The following THOC7 variants were observed in gnomAD, a reference collection of about 807,000 sequenced individuals.
THOC7 encodes NIF3L1-binding protein 1.
THOC7 carries 22 observed loss-of-function variants against 33.1 expected under a neutral mutation model. The observed-to-expected ratio is 0.66, with a 90% CI of 0.47 to 0.95. The LOEUF (loss-of-function observed/expected upper bound fraction) is 0.95, where lower values mean the gene tolerates loss of function less well. Among genes scored for constraint, THOC7 ranks in the 40% least tolerant of loss-of-function variants. The pLI, the probability that THOC7 is intolerant of heterozygous loss-of-function variation, is 0.00. For missense variants in THOC7, 184 were observed against 245.3 expected, an observed-to-expected ratio of 0.75 and a Z score of 1.67; for synonymous variants, 77 against 76.8, an observed-to-expected ratio of 1.00 and a Z score of -0.01.
intron 1 of THOC7, chr3:63,863,496 CG>C: frequency 1.7e-6 from 2 of 1,179,702 alleles, no homozygotes; most frequent in South Asian, 4.3e-5. Context: ...ACCACGCTCC[CG>C]GCACACCCTA....
At chr3:63,861,792 T>C (rs907841592) in intron 1 of THOC7, 6 of 84,848 alleles carry the variant, frequency 7.1e-5, no homozygotes, top group African/African-American at 2.3e-4. Context: ...TGTGTGTGTG[T>C]GTTTTTTTTT....
intron 1 of THOC7, 134 bp from the exon 2 acceptor site, chr3:63,839,907 A>G (rs1701723018): frequency 1.5e-6 from 1 of 667,058 alleles, no homozygotes; most frequent in Non-Finnish European, 2.5e-6. Flanking sequence ...ACTGAACTGT[A>G]CACTTAAAAA....
At chr3:63,864,157 A>G (rs1411764917), upstream of THOC7, among the ~76,000 whole-genome samples, 3 of 146,956 alleles carry the variant, frequency 2.0e-5, no homozygotes, top group Non-Finnish European at 4.5e-5. Flanking sequence ...GCCAGCCGCC[A>G]GGTGAGCTCG....
At chr3:63,847,762 CT>C (rs1701930589) in intron 1 of THOC7, among the ~76,000 whole-genome samples, 1 of 152,030 alleles carries the variant, frequency 6.6e-6, no homozygotes, top group Non-Finnish European at 1.5e-5. Context: ...AAAACAAACT[CT>C]GACATAACTT....
chr3:63,845,529 C>T (rs1243686456), intron 1 of THOC7, among the ~76,000 whole-genome samples: 2 of 152,146 alleles, frequency 1.3e-5, no homozygotes, highest in South Asian at 2.1e-4. Flanking sequence ...AGGTAACCAA[C>T]GGCAGTCACA....
chr3:63,843,667 AAG>A (rs1419190759), intron 1 of THOC7, among the ~76,000 whole-genome samples: 6 of 152,054 alleles, frequency 3.9e-5, no homozygotes, highest in Non-Finnish European at 8.8e-5. Flanking sequence ...TTGGGAGGCC[AAG>A]GTGGGCGCAT....
At position 63,838,450 on chromosome 3, in the gene THOC7, A is replaced by C. The variant is rs1476798478; in HGVS notation, c.187T>G (p.Ser63Ala). ...MLSTLSQCEF[S>A]MGKTLLVYDM... ...TATACTAGTAAAGTTTTGCCCATTG[A>C]AAATTCACATTGAGACAGCGTGCTC... Residue 63 changes from serine to alanine, a missense_variant, in exon 3 of 8, where the codon TCA (serine) becomes GCA (alanine). Ser to Ala is a moderately conservative substitution (Grantham distance 99). This residue lies in a region of THOC7 where 157 missense variants were observed against 201.3 expected (regional missense o/e 0.78). Transcript: ENST00000295899. 1.9e-6 allele frequency: 3 copies of C among 1,610,504 alleles called. No homozygotes were observed. The highest frequency in any genetic ancestry group is 2.5e-6 in the Non-Finnish European group (3 of 1,178,978).
intron 1 of THOC7, among the ~76,000 whole-genome samples, chr3:63,856,530 T>C (rs995898618): frequency 6.6e-6 from 1 of 152,076 alleles, no homozygotes; most frequent in Non-Finnish European, 1.5e-5. Flanking sequence ...GCACCTACTA[T>C]ATCACTTAAA....
intron 2 of THOC7, among the ~76,000 whole-genome samples, 199 bp downstream of exon 2, chr3:63,839,457 C>T (rs1047680545): frequency 5.3e-5 from 8 of 152,132 alleles, no homozygotes; most frequent in Admixed American, 6.6e-5. Context: ...TACCAATCTG[C>T]CTTCTCCATG....
chr3:63,844,776 C>T (rs1036011565), intron 1 of THOC7, among the ~76,000 whole-genome samples: 12 of 152,044 alleles, frequency 7.9e-5, no homozygotes, highest in Non-Finnish European at 1.6e-4. Context: ...CAGATTTGGC[C>T]CTTTGATCTT....
At chr3:63,847,916 T>C (rs973899102) in intron 1 of THOC7, among the ~76,000 whole-genome samples, 1 of 152,068 alleles carries the variant, frequency 6.6e-6, no homozygotes, top group Admixed American at 6.5e-5. Context: ...GAAAAACTAG[T>C]TTAGGCCATG....
chr3:63,835,517 C>A, intron 5 of THOC7, 127 bp from the exon 6 acceptor site: 1 of 694,238 alleles, frequency 1.4e-6, no homozygotes, highest in Non-Finnish European at 2.3e-6. Flanking sequence ...AGTTATAACA[C>A]TCCATTATGG....
intron 1 of THOC7, among the ~76,000 whole-genome samples, chr3:63,862,122 C>G (rs1033401386): frequency 2.6e-5 from 4 of 152,202 alleles, no homozygotes; most frequent in Non-Finnish European, 5.9e-5. Flanking sequence ...ATCTGATTAA[C>G]ACCACACCAG....
chr3:63,855,183 TA>T (rs1171923430), intron 1 of THOC7, among the ~76,000 whole-genome samples: 1 of 152,012 alleles, frequency 6.6e-6, no homozygotes, highest in Non-Finnish European at 1.5e-5. Flanking sequence ...ACTGAAAACA[TA>T]AAAAAACAGG....
At chr3:63,834,969 A>G (rs949454533) in intron 7 of THOC7, among the ~76,000 whole-genome samples, 185 bp downstream of exon 7, 1 of 152,128 alleles carries the variant, frequency 6.6e-6, no homozygotes, top group Non-Finnish European at 1.5e-5. Context: ...CTATATTACT[A>G]CAAATTAAGA....
chr3:63,838,483 G>A lies in THOC7; in HGVS notation c.154C>T (p.Arg52Cys), dbSNP rs1244291457. The A allele has an allele frequency of 1.9e-6, 3 of 1,606,508 alleles. No homozygotes were observed. Among genetic ancestry groups the A allele is most frequent in the South Asian group, 2.2e-5 (2 of 89,264 alleles). Residue 52 changes from arginine (R) to cysteine (C), a missense_variant, in exon 3 of 8, where the codon CGT (arginine) becomes TGT (cysteine). Arg to Cys is a radical substitution (Grantham distance 180, BLOSUM62 -3). Around this residue, in one of 3 missense-constraint regions of THOC7, gnomAD observed 157 missense variants for 201.3 expected, o/e 0.78. Coordinates refer to ENST00000295899, the MANE Select transcript of THOC7 (RefSeq NM_025075.4). ...CATTGAGACAGCGTGCTCAGCATAC[G>A]TTGGTACTGGCTATATCTAATGAAA... ...SQEEGYSQYQ[R>C]MLSTLSQCEF...
At position 63,836,363 on chromosome 3, in the gene THOC7, A is replaced by C. The variant is rs376267863; in HGVS notation, c.353-5T>G. 3 of 1,611,450 alleles carry C rather than the reference A, an allele frequency of 1.9e-6. No homozygotes were observed. The highest frequency in any genetic ancestry group is 2.5e-6 in the Non-Finnish European group (3 of 1,178,612). ...CTTTTGCCAAAGCATCATATTCTGT[A>C]AGACATAAAAATATTTATCAAACTA... On this transcript the variant is annotated splice_region_variant and splice_polypyrimidine_tract_variant and intron_variant, in intron 4 of 7. Transcript: ENST00000295899.
chr3:63,838,444 C>T lies in THOC7; in HGVS notation c.193G>A (p.Gly65Ser), dbSNP rs1338696818. 1.1e-5 allele frequency: 17 copies of T among 1,609,756 alleles called. No individual in the cohort carries two copies. Among genetic ancestry groups the T allele is most frequent in the Middle Eastern group, 1.7e-4 (1 of 6,042 alleles). The change falls in exon 3 of 8, where the codon GGC becomes AGC. Residue 65 changes from glycine to serine, a missense_variant. By Grantham distance (56) the Gly-to-Ser change is moderately conservative. Coordinates refer to ENST00000295899, the MANE Select transcript of THOC7 (RefSeq NM_025075.4). ...ATATCATATACTAGTAAAGTTTTGCCCATTGAAAATTCACATTGAGACAGC... is the reference window on the plus strand; with the variant it reads ...ATATCATATACTAGTAAAGTTTTGCTCATTGAAAATTCACATTGAGACAGC... The part of the protein sequence containing the change: ...STLSQCEFSM[G>S]KTLLVYDMNL...
intron 1 of THOC7, among the ~76,000 whole-genome samples, chr3:63,858,950 G>T (rs556479427): frequency 6.6e-6 from 1 of 152,194 alleles, no homozygotes; most frequent in Non-Finnish European, 1.5e-5. Context: ...AGAGCTCCCA[G>T]TCCAACTGGA....
Sources: gnomAD v4.1 joint callset for allele counts (sites outside exome capture counted in the v4.1 genomes callset) on GRCh38, gnomAD v4.1.1 for gene constraint, gnomAD v4.1.1 regional missense constraint, MANE v1.5 for transcripts, NCBI Gene and HGNC (gene_info 2026-07-23, HGNC 2026-07-21) for gene names.